Variants in ARHGEF1 observed in about 807,000 individuals in gnomAD.
ARHGEF1 encodes the protein Rho guanine nucleotide exchange factor 1.
ARHGEF1 carries 40 observed loss-of-function variants against 119.7 expected under a neutral mutation model. The observed-to-expected ratio is 0.33, with a 90% CI of 0.26 to 0.44. ARHGEF1 has a LOEUF of 0.44. ARHGEF1 is among the 20% of genes least tolerant of loss of function. The pLI, the probability that ARHGEF1 is intolerant of heterozygous loss-of-function variation, is 1.00. For synonymous variants in ARHGEF1, 494 were observed against 521.0 expected (o/e 0.95, Z 0.71); for missense variants, 976 against 1,268.3 (o/e 0.77, Z 3.50).
At chr19:41,925,102 C>T (rs2074863621) in intron 1 of ARHGEF1, among the ~76,000 whole-genome samples, 1 of 151,972 alleles carries the variant, frequency 6.6e-6, no homozygotes, top group African/African-American at 2.4e-5. Context: ...GGAGGTGACC[C>T]CTAGACCCAG....
chr19:41,908,386 C>G, downstream of ARHGEF1: 6 of 1,231,338 alleles, frequency 4.9e-6, no homozygotes, highest in South Asian at 1.6e-4. The surrounding 1 kb of genome is among the most constrained non-coding windows in gnomAD (Gnocchi z 6.7). Context: ...CCCCCAGCCC[C>G]TGGCAGCGCC....
At chr19:41,909,407 A>G, downstream of ARHGEF1, 2 of 1,237,586 alleles carry the variant, frequency 1.6e-6, no homozygotes, top group Non-Finnish European at 2.0e-6. The surrounding 1 kb of genome is among the most constrained non-coding windows in gnomAD (Gnocchi z 5.2). Context: ...ACTTTGCTGA[A>G]GTTGAACTTG....
intron 18 of ARHGEF1, among the ~76,000 whole-genome samples, chr19:41,915,235 A>AGCC (rs2074793466): frequency 6.8e-6 from 1 of 146,322 alleles, no homozygotes; most frequent in Non-Finnish European, 1.5e-5. Flanking sequence ...TATAACGAGG[A>AGCC]GCCGTGGGAT....
In ARHGEF1 at chr19:41,896,401, G is replaced by A. The variant is rs1401275294; in HGVS notation, c.1040G>A (p.Gly347Glu). The A allele has an allele frequency of 6.9e-6, 10 of 1,443,438 alleles. No homozygotes were observed. Among genetic ancestry groups the A allele is most frequent in the Non-Finnish European group, 9.1e-6 (10 of 1,097,258 alleles). 89.4% of individuals were successfully genotyped at this position (1,443,438 alleles called of 1,614,324 possible). A position where few individuals can be genotyped will look rare whatever the true frequency, so the allele number is the denominator to read the frequency against. The change falls in exon 13 of 29, where the codon GGG becomes GAG. Residue 347 changes from glycine (G) to glutamate (E), a missense_variant. By Grantham distance (98) the Gly-to-Glu change is moderately conservative. Around this residue, in one of 3 missense-constraint regions of ARHGEF1, gnomAD observed 519 missense variants for 580.9 expected, o/e 0.89. Transcript: ENST00000354532. ...GGTGCTGACGCCCCCCTGGAGCTGG[G>A]GGACTCATCCCCGCAGGGCCCAATG... ...EPGADAPLEL[G>E]DSSPQGPMSL...
chr19:41,887,011 A>G (rs2074303600), intron 1 of ARHGEF1, among the ~76,000 whole-genome samples: 1 of 152,210 alleles, frequency 6.6e-6, no homozygotes, highest in Non-Finnish European at 1.5e-5. Flanking sequence ...GATGGGAGAG[A>G]CAGCAAGAGA....
Position 41,902,295 on chromosome 19 carries a change from T to C in ARHGEF1, c.1436T>C (p.Met479Thr). The C allele has an allele frequency of 3.7e-6, 6 of 1,614,192 alleles. No homozygotes were observed. Among genetic ancestry groups the C allele is most frequent in the Non-Finnish European group, 4.2e-6 (5 of 1,180,032 alleles). ...ACAGCCCTGTTCCTCGATCGCCTGA[T>C]GAAGCGGAGGCAGGAGAGTGGCTAC... The part of the protein sequence containing the change: ...EVHSLFLDRL[M>T]KRRQESGYLI... The change falls in exon 16 of 29, where the codon ATG becomes ACG. Residue 479 changes from methionine (M) to threonine (T), a missense_variant. This residue lies in a region of ARHGEF1 where 286 missense variants were observed against 506.8 expected (regional missense o/e 0.56). Transcript: ENST00000354532. This position sits in a 1 kb window ranked among gnomAD's most constrained non-coding sequence, Gnocchi z 6.5.
Position 41,905,725 on chromosome 19 carries a change from G to A in ARHGEF1, c.2337-35G>A. 2 of 1,612,234 alleles carry A rather than the reference G, an allele frequency of 1.2e-6. No individual in the cohort carries two copies. Among genetic ancestry groups the A allele is most frequent in the Non-Finnish European group, 1.7e-6 (2 of 1,179,092 alleles). On this transcript the variant is annotated intron_variant, in intron 24 of 28. Coordinates refer to ENST00000354532, the MANE Select transcript of ARHGEF1 (RefSeq NM_004706.4). This position sits in a 1 kb window ranked among gnomAD's most constrained non-coding sequence, Gnocchi z 6.4. ...CTGCCCCTGCGGCCCCCCAGGGCCA[G>A]GGGTGTGGGGTCACCCAGCACTTCC...
At chr19:41,911,043 A>C (rs1555851204), downstream of ARHGEF1, among the ~76,000 whole-genome samples, 2 of 152,196 alleles carry the variant, frequency 1.3e-5, no homozygotes, top group African/African-American at 4.8e-5. Flanking sequence ...GACGGTGAAC[A>C]CAGCACCAAG....
chr19:41,896,796 TCTCTC>T (rs2074499756), intron 13 of ARHGEF1: 1 of 427,708 alleles, frequency 2.3e-6, no homozygotes, highest in Non-Finnish European at 4.4e-6. Flanking sequence ...TTCCCCCTCC[TCTCTC>T]ACCTCCCCTC....
At chr19:41,920,178 ACGCTCACAGACATG>A (rs1259564940), upstream of ARHGEF1, among the ~76,000 whole-genome samples, 11 of 124,440 alleles carry the variant, frequency 8.8e-5, no homozygotes, top group East Asian at 2.3e-4. Context: ...CAGACATGAC[ACGCTCACAGACATG>A]CGCTCACAGA....
downstream of ARHGEF1, chr19:41,909,006 G>T: frequency 9.3e-7 from 1 of 1,073,112 alleles, no homozygotes; most frequent in Non-Finnish European, 1.2e-6. This position sits in a 1 kb window ranked among gnomAD's most constrained non-coding sequence, Gnocchi z 5.2. Context: ...CTTCCCTCAA[G>T]CCTGCAGCTT....
chr19:41,915,957 G>A (rs942351566), intron 18 of ARHGEF1, among the ~76,000 whole-genome samples: 19 of 151,584 alleles, frequency 1.3e-4, no homozygotes, highest in Admixed American at 2.6e-4. Context: ...GCCGGCCGGC[G>A]TGGTGCGGAT....
chr19:41,884,433 G>C, intron 1 of ARHGEF1: 1 of 1,603,174 alleles, frequency 6.2e-7, no homozygotes, highest in South Asian at 1.1e-5. Flanking sequence ...AGAGTGCGGA[G>C]CCCGAGCGCG....
rs782344428 is a variant in ARHGEF1, at chr19:41,907,188, C to G, written c.*101C>G. The G allele has an allele frequency of 9.2e-6, 14 of 1,526,372 alleles. No individual in the cohort carries two copies. Among genetic ancestry groups the G allele is most frequent in the Non-Finnish European group, 1.1e-5 (13 of 1,142,798 alleles). 94.6% of individuals were successfully genotyped at this position (1,526,372 alleles called of 1,614,324 possible). On this transcript the variant is annotated 3_prime_UTR_variant, in exon 29 of 29. Transcript: ENST00000354532. ...ACAGCTGCCGCAGCATCTCACACCC[C>G]GAGGGCCTGAGGAGAGGGAGCTGTG... is the stretch of plus-strand genomic sequence containing the variant.
chr19:41,884,060 G>A (rs1167421816), intron 1 of ARHGEF1, among the ~76,000 whole-genome samples: 1 of 152,226 alleles, frequency 6.6e-6, no homozygotes. Context: ...GGTCCCCTAA[G>A]TGGGGAGACT....
chr19:41,898,189 A>C, intron 13 of ARHGEF1: 1 of 1,410,134 alleles, frequency 7.1e-7, no homozygotes, highest in Admixed American at 3.2e-5. Context: ...TCAGAGTCAC[A>C]GAGGAATGGG....
intron 18 of ARHGEF1, among the ~76,000 whole-genome samples, chr19:41,915,476 G>A (rs1456953959): frequency 1.3e-5 from 2 of 151,482 alleles, no homozygotes; most frequent in Non-Finnish European, 1.5e-5. Flanking sequence ...CTCCACTTCT[G>A]TGTCCCCACG....
chr19:41,896,856 CT>C, intron 13 of ARHGEF1: 1 of 321,758 alleles, frequency 3.1e-6, no homozygotes, highest in Non-Finnish European at 6.0e-6. Flanking sequence ...CCCCTCCTCT[CT>C]CACCTACCCC....
intron 1 of ARHGEF1, chr19:41,884,417 G>T (rs1555844867): frequency 6.3e-7 from 1 of 1,599,814 alleles, no homozygotes; most frequent in Non-Finnish European, 8.5e-7. Context: ...GGCGGCAGGG[G>T]TGGGGAGAGT....
Sources: allele counts gnomAD v4.1 joint callset (sites outside exome capture counted in the v4.1 genomes callset), GRCh38; gene constraint gnomAD v4.1.1; regional missense constraint gnomAD v4.1.1; non-coding constraint Gnocchi (gnomAD v3.1); transcripts MANE v1.5; gene names NCBI Gene and HGNC (gene_info 2026-07-23, HGNC 2026-07-21).